OXCT1: variants seen among roughly 807,000 people sequenced by gnomAD.
OXCT1 encodes the protein 3-oxoacid CoA-transferase 1.
A neutral mutation model predicts 69.6 loss-of-function variants in OXCT1; 27 were observed. The ratio of observed to expected loss-of-function variants is 0.39; its 90% CI spans 0.29 to 0.54. The LOEUF (loss-of-function observed/expected upper bound fraction) is 0.54, where lower values mean the gene tolerates loss of function less well. Ranked by LOEUF, OXCT1 falls within the 20% of genes least tolerant of loss-of-function variation. The pLI, the probability that OXCT1 is intolerant of heterozygous loss-of-function variation, is 0.72. For missense variants in OXCT1, 437 were observed against 650.2 expected, an observed-to-expected ratio of 0.67 and a Z score of 3.57; for synonymous variants, 202 against 217.8, an observed-to-expected ratio of 0.93 and a Z score of 0.64.
intron 2 of OXCT1, among the ~76,000 whole-genome samples, chr5:41,861,787 C>T (rs1749752825): frequency 6.6e-6 from 1 of 152,188 alleles, no homozygotes; most frequent in African/African-American, 2.4e-5. Flanking sequence ...GAAGCCTAAG[C>T]CCAAAACTGT....
chr5:41,789,447 T>G (rs1745808110), intron 13 of OXCT1, among the ~76,000 whole-genome samples: 1 of 152,228 alleles, frequency 6.6e-6, no homozygotes, highest in South Asian at 2.1e-4. Flanking sequence ...ACCCTTAATA[T>G]ATGCCAGATC....
At position 41,853,396 on chromosome 5, in the gene OXCT1, A is replaced by C. The variant is rs1209703644; in HGVS notation, c.414+23T>G. On this transcript the variant is annotated intron_variant, in intron 4 of 16. Coordinates refer to ENST00000196371, the MANE Select transcript of OXCT1 (RefSeq NM_000436.4). ...AATTTTTAAAGTAAGTTAGTATTATAAAAGAAAAGCAAATTTTCTCACCTG... is the reference window on the plus strand; with the variant it reads ...AATTTTTAAAGTAAGTTAGTATTATCAAAGAAAAGCAAATTTTCTCACCTG... The C allele has an allele frequency of 2.5e-6, 4 of 1,607,838 alleles. No individual in the cohort carries two copies. In the African/African-American group the frequency reaches 5.3e-5, roughly 21 times the overall value.
intron 16 of OXCT1, among the ~76,000 whole-genome samples, chr5:41,735,684 G>A (rs1426587311): frequency 1.3e-5 from 2 of 152,232 alleles, no homozygotes; most frequent in Non-Finnish European, 2.9e-5. Flanking sequence ...GCTGGGGACA[G>A]GGGAGCCTTT....
chr5:41,731,878 T>G, intron 16 of OXCT1, 108 bp from the exon 17 acceptor site: 1 of 1,289,894 alleles, frequency 7.8e-7, no homozygotes, highest in East Asian at 2.5e-5. Context: ...AGCCTTGCCA[T>G]GGACATTCCC....
At chr5:41,822,180 T>C (rs1054719493) in intron 7 of OXCT1, among the ~76,000 whole-genome samples, 4 of 151,868 alleles carry the variant, frequency 2.6e-5, no homozygotes, top group Non-Finnish European at 5.9e-5. Context: ...CAAAGAGAAG[T>C]AAATGGAACT....
At chr5:41,852,618 G>A (rs905598788) in intron 4 of OXCT1, among the ~76,000 whole-genome samples, 4 of 152,178 alleles carry the variant, frequency 2.6e-5, no homozygotes, top group African/African-American at 7.2e-5. Flanking sequence ...AAAGTTGCTA[G>A]ATTAATTATA....
At chr5:41,734,757 C>G (rs1742805562) in intron 16 of OXCT1, among the ~76,000 whole-genome samples, 1 of 152,082 alleles carries the variant, frequency 6.6e-6, no homozygotes, top group Non-Finnish European at 1.5e-5. Flanking sequence ...TTAAAAACTT[C>G]CATGTGTCAA....
intron 6 of OXCT1, among the ~76,000 whole-genome samples, chr5:41,841,090 C>G (rs1401793288): frequency 6.6e-6 from 1 of 152,154 alleles, no homozygotes; most frequent in Non-Finnish European, 1.5e-5. Context: ...ACATCAGACC[C>G]CGAGGTGTAA....
intron 16 of OXCT1, among the ~76,000 whole-genome samples, chr5:41,735,021 T>C (rs1169738840): frequency 6.6e-6 from 1 of 152,184 alleles, no homozygotes; most frequent in African/African-American, 2.4e-5. Context: ...GCAAACATTG[T>C]GAAACAGTAT....
intron 7 of OXCT1, among the ~76,000 whole-genome samples, chr5:41,816,738 C>G (rs1009403649): frequency 1.2e-4 from 18 of 152,098 alleles, no homozygotes; most frequent in African/African-American, 4.3e-4. Context: ...CACTATCTCT[C>G]CTTATGAAGT....
chr5:41,779,310 T>G (rs1337868764), intron 13 of OXCT1, among the ~76,000 whole-genome samples: 2 of 152,230 alleles, frequency 1.3e-5, no homozygotes, highest in Admixed American at 6.5e-5. Flanking sequence ...ATGCACTGTC[T>G]GATAAGTTAG....
At chr5:41,759,144 G>A (rs994294473) in intron 14 of OXCT1, among the ~76,000 whole-genome samples, 4 of 150,260 alleles carry the variant, frequency 2.7e-5, no homozygotes, top group Non-Finnish European at 5.9e-5. Context: ...TGGGTGGGAC[G>A]CTGGTGCAGA....
intron 13 of OXCT1, among the ~76,000 whole-genome samples, chr5:41,781,875 T>C (rs982128344): frequency 1.3e-5 from 2 of 152,218 alleles, no homozygotes; most frequent in Non-Finnish European, 2.9e-5. Context: ...TTTAGGTTGA[T>C]TCCATGTCTT....
intron 1 of OXCT1, 35 bp from the exon 2 acceptor site, chr5:41,862,785 T>C (rs1055444942): frequency 8.1e-7 from 1 of 1,235,648 alleles, no homozygotes; most frequent in South Asian, 1.2e-5. Flanking sequence ...GATAATCATT[T>C]GGAGATACAG....
rs16871940 is a variant in OXCT1 at position 41,739,524 on chromosome 5, A to G, written c.1420-33T>C. 17,184 of 1,430,262 alleles carry G rather than the reference A, an allele frequency of 0.012. 820 individuals are homozygous for G. The highest frequency in any genetic ancestry group is 0.11 in the Admixed American group (6,362 of 59,752). 88.6% of individuals were successfully genotyped at this position (1,430,262 alleles called of 1,614,324 possible). The stretch of plus-strand genomic sequence containing the variant: ...AGTGGGAAGAAAAAGGACAATGACA[A>G]TTTCCATCAAAATAATTATTATATG... On this transcript the variant is annotated intron_variant, in intron 15 of 16. Coordinates refer to ENST00000196371, the MANE Select transcript of OXCT1 (RefSeq NM_000436.4).
chr5:41,745,589 CA>C (rs1283367979), intron 15 of OXCT1, among the ~76,000 whole-genome samples: 1 of 152,024 alleles, frequency 6.6e-6, no homozygotes, highest in African/African-American at 2.4e-5. Flanking sequence ...AAAAACCCTT[CA>C]AAAAATCAGT....
At chr5:41,842,497 A>G (rs1004196271) in intron 6 of OXCT1, among the ~76,000 whole-genome samples, 178 bp downstream of exon 6, 5 of 152,196 alleles carry the variant, frequency 3.3e-5, no homozygotes, top group African/African-American at 1.2e-4. Context: ...ACCAGTCTAA[A>G]CAGACTCCCA....
rs116165014 is a variant in OXCT1, at chr5:41,855,994, T to C, written c.279-2440A>G. The stretch of plus-strand genomic sequence containing the variant: ...CACTCAGGAAACTACATGTTCAGTG[T>C]TCCTGGAGTATGGACTGAGGGCAAC... On this transcript the variant is annotated intron_variant, in intron 3 of 16. Coordinates refer to ENST00000196371, the MANE Select transcript of OXCT1 (RefSeq NM_000436.4). 5.9e-3 allele frequency among the ~76,000 whole-genome samples: 894 copies of C among 152,260 alleles called. 10 individuals are homozygous for C. Among genetic ancestry groups the C allele is most frequent in the African/African-American group, 0.021 (852 of 41,556 alleles).
chr5:41,784,237 TA>T (rs964424774), intron 13 of OXCT1, among the ~76,000 whole-genome samples: 8 of 152,190 alleles, frequency 5.3e-5, no homozygotes, highest in African/African-American at 1.9e-4. Context: ...TGGTAGATTA[TA>T]AAAAACAAAA....
Sources: gnomAD v4.1 joint callset for allele counts (sites outside exome capture counted in the v4.1 genomes callset) on GRCh38, gnomAD v4.1.1 for gene constraint, MANE v1.5 for transcripts, NCBI Gene and HGNC (gene_info 2026-07-23, HGNC 2026-07-21) for gene names.